Variants in AFF3 observed in about 807,000 individuals in gnomAD.
AFF3 encodes ALF transcription elongation factor 3, also known as AF4/FMR2 family member 3.
AFF3 carries 32 observed loss-of-function variants against 129.7 expected under a neutral mutation model. The observed-to-expected ratio is 0.25, with a 90% CI of 0.19 to 0.33. AFF3 has a LOEUF of 0.33. Among genes scored for constraint, AFF3 ranks in the 10% least tolerant of loss-of-function variants. The pLI, the probability that AFF3 is intolerant of heterozygous loss-of-function variation, is 1.00. For synonymous variants in AFF3, 644 were observed against 635.4 expected, an observed-to-expected ratio of 1.01 and a Z score of -0.20; for missense variants, 1,373 against 1,592.0, an observed-to-expected ratio of 0.86 and a Z score of 2.34.
intron 7 of AFF3, among the ~76,000 whole-genome samples, chr2:99,997,514 G>C (rs796476632): frequency 6.7e-6 from 1 of 149,452 alleles, no homozygotes; most frequent in Non-Finnish European, 1.5e-5. Context: ...GCCAAGCCAT[G>C]TTCCACTTCT....
At chr2:100,114,531 G>A (rs1350358213) in intron 2 of AFF3, among the ~76,000 whole-genome samples, 1 of 152,182 alleles carries the variant, frequency 6.6e-6, no homozygotes, top group Non-Finnish European at 1.5e-5. Flanking sequence ...ACAGGGGCCT[G>A]CCACCACGCC....
chr2:99,657,410 G>A (rs550522702), intron 12 of AFF3, among the ~76,000 whole-genome samples: 4 of 152,254 alleles, frequency 2.6e-5, no homozygotes, highest in African/African-American at 7.2e-5. Context: ...GGAGTATGCC[G>A]TCTGCCTCAT....
intron 13 of AFF3, among the ~76,000 whole-genome samples, chr2:99,648,855 T>G (rs1684927580): frequency 6.9e-6 from 1 of 145,690 alleles, no homozygotes; most frequent in African/African-American, 2.6e-5. Flanking sequence ...ATTTCATCTT[T>G]ACCTCCTGAC....
intron 7 of AFF3, among the ~76,000 whole-genome samples, chr2:99,961,391 G>A (rs1291760485): frequency 1.3e-5 from 2 of 152,112 alleles, no homozygotes; most frequent in African/African-American, 4.8e-5. Context: ...CCTCCCTCGG[G>A]GGCCCCGGTG....
intron 7 of AFF3, among the ~76,000 whole-genome samples, chr2:99,857,919 A>G (rs1690648025): frequency 6.6e-6 from 1 of 152,150 alleles, no homozygotes; most frequent in South Asian, 2.1e-4. Flanking sequence ...ATTATACTGG[A>G]TTCCTGTTCA....
chr2:99,699,019 T>C (rs2104755346), intron 11 of AFF3, among the ~76,000 whole-genome samples: 1 of 152,310 alleles, frequency 6.6e-6, no homozygotes, highest in East Asian at 1.9e-4. Flanking sequence ...TTTAAAAAAC[T>C]CTAATCCCTT....
intron 2 of AFF3, among the ~76,000 whole-genome samples, chr2:100,123,116 G>A (rs1692044853): frequency 6.6e-6 from 1 of 152,144 alleles, no homozygotes; most frequent in African/African-American, 2.4e-5. Context: ...CTTAGAAGTA[G>A]GAGGAATATG....
Position 100,028,839 on chromosome 2 carries a change from T to C in AFF3, c.54-19907A>G, listed in dbSNP as rs562016970. Among the ~76,000 whole-genome samples the C allele has an allele frequency of 2.8e-4, 42 of 152,300 alleles. No homozygotes were observed. In the East Asian group the frequency reaches 5.6e-3, roughly 20 times the overall value. On this transcript the variant is annotated intron_variant, in intron 4 of 24. Coordinates refer to ENST00000672756, the MANE Select transcript of AFF3 (RefSeq NM_001386135.1). The stretch of plus-strand genomic sequence containing the variant: ...GGAAATACAAAGTGGGCACAACTAC[T>C]GTGCAAAACAGCATGGGAGGTTCCT...
intron 11 of AFF3, among the ~76,000 whole-genome samples, chr2:99,708,435 C>T (rs1019884446): frequency 6.6e-6 from 1 of 152,186 alleles, no homozygotes; most frequent in South Asian, 2.1e-4. Flanking sequence ...TCCCAGGTTT[C>T]AGGTCTCACT....
At chr2:99,834,485 G>C (rs900258715) in intron 8 of AFF3, among the ~76,000 whole-genome samples, 10 of 152,156 alleles carry the variant, frequency 6.6e-5, no homozygotes, top group African/African-American at 2.2e-4. Flanking sequence ...CAATTGGAAA[G>C]GGAGCTGAAG....
chr2:100,121,833 C>T (rs1381610146), intron 2 of AFF3, among the ~76,000 whole-genome samples: 15 of 151,882 alleles, frequency 9.9e-5, no homozygotes, highest in South Asian at 2.1e-4. Context: ...GAGGCCGAGG[C>T]GGGTGGATCA....
At chr2:99,581,402 G>A (rs1033152249) in intron 17 of AFF3, among the ~76,000 whole-genome samples, 2 of 152,154 alleles carry the variant, frequency 1.3e-5, no homozygotes, top group Admixed American at 6.5e-5. Context: ...TGAGGATGCT[G>A]TAAGATTTAG....
intron 4 of AFF3, among the ~76,000 whole-genome samples, chr2:100,103,318 A>C (rs1005292076): frequency 6.6e-6 from 1 of 151,982 alleles, no homozygotes; most frequent in Non-Finnish European, 1.5e-5. Context: ...ACTGAATTAA[A>C]GCAAAAGGAA....
At chr2:99,667,959 A>G (rs910671211) in intron 12 of AFF3, among the ~76,000 whole-genome samples, 2 of 151,912 alleles carry the variant, frequency 1.3e-5, no homozygotes, top group African/African-American at 4.8e-5. Context: ...GATCGAGACC[A>G]TCCTGGCTAA....
intron 11 of AFF3, among the ~76,000 whole-genome samples, chr2:99,678,993 G>C (rs531010669): frequency 1.3e-5 from 2 of 152,314 alleles, no homozygotes; most frequent in South Asian, 4.1e-4. Context: ...TGCCATCCCA[G>C]CTAACTGGGA....
chr2:100,051,958 G>A (rs1289813855), intron 4 of AFF3, among the ~76,000 whole-genome samples: 1 of 152,206 alleles, frequency 6.6e-6, no homozygotes, highest in Non-Finnish European at 1.5e-5. Flanking sequence ...TCTCTAGGCT[G>A]TGAGTCTTCA....
intron 11 of AFF3, among the ~76,000 whole-genome samples, chr2:99,694,034 C>T (rs868017763): frequency 1.3e-5 from 2 of 152,010 alleles, no homozygotes; most frequent in East Asian, 3.9e-4. Context: ...CCTCCTGCCT[C>T]AGCCTCCCGA....
intron 13 of AFF3, among the ~76,000 whole-genome samples, chr2:99,648,909 A>ACTCTCTCTCTCTCTCTCTCT (rs1553416890): frequency 2.3e-3 from 101 of 43,008 alleles, no homozygotes; most frequent in Admixed American, 9.9e-3. Context: ...ACACACACAC[A>ACTCTCTCTCTCTCTCTCTCT]CACACACACT....
At chr2:99,713,021 G>A (rs147363231) in intron 11 of AFF3, among the ~76,000 whole-genome samples, 2 of 152,262 alleles carry the variant, frequency 1.3e-5, no homozygotes, top group Non-Finnish European at 2.9e-5. Context: ...ACTTATATGA[G>A]GTCCCCAGAG....
Sources: gnomAD v4.1 joint callset for allele counts (sites outside exome capture counted in the v4.1 genomes callset) on GRCh38, gnomAD v4.1.1 for gene constraint, MANE v1.5 for transcripts, NCBI Gene and HGNC (gene_info 2026-07-23, HGNC 2026-07-21) for gene names.